PML: variants seen among roughly 807,000 people sequenced by gnomAD.
PML encodes the protein protein PML.
In PML, 28 loss-of-function variants were observed where a neutral mutation model predicts 65.2. The observed-to-expected ratio is 0.43, with a 90% CI of 0.32 to 0.59. The LOEUF (loss-of-function observed/expected upper bound fraction) is 0.59, where lower values mean the gene tolerates loss of function less well. Ranked by LOEUF, PML falls within the 20% of genes least tolerant of loss-of-function variation. The pLI, the probability that PML is intolerant of heterozygous loss-of-function variation, is 0.08. For missense variants in PML, 1,021 were observed against 1,203.4 expected, an observed-to-expected ratio of 0.85 and a Z score of 2.24; for synonymous variants, 500 against 508.8, an observed-to-expected ratio of 0.98 and a Z score of 0.23.
Position 74,044,619 on chromosome 15 carries a change from T to A in PML, c.2260T>A (p.Cys754Ser), listed in dbSNP as rs1307900203. ...MAAVLAMRDLCRLLEVSPGPQ... is the reference protein window; with the variant it reads ...MAAVLAMRDLSRLLEVSPGPQ... ...TGCCGTGCTGGCCATGCGTGACCTGTGCCGCCTCCTCGAGGTCTCCCCGGG... is the reference window on the plus strand; with the variant it reads ...TGCCGTGCTGGCCATGCGTGACCTGAGCCGCCTCCTCGAGGTCTCCCCGGG... Residue 754 changes from cysteine to serine, a missense_variant, in exon 9 of 9, where the codon TGC becomes AGC. Transcript: ENST00000268058. 1 of 1,606,840 alleles carries A rather than the reference T, an allele frequency of 6.2e-7. No individual in the cohort carries two copies. The highest frequency in any genetic ancestry group is 2.2e-5 in the East Asian group (1 of 44,884).
In PML at chr15:74,022,846, T is replaced by C. The variant is rs1478605950; in HGVS notation, c.621T>C (p.Cys207=). ...PTLTSIYCRG[C]SKPLCCSCAL... is the part of the protein sequence containing the mutation. ...TCCACAGCATCTACTGCCGAGGATG[T>C]TCCAAGCCGCTGTGCTGCTCGTGCG... is the stretch of plus-strand genomic sequence containing the variant. Residue 207 remains cysteine, a synonymous_variant, in exon 3 of 9, where the codon TGT becomes TGC. Coordinates refer to ENST00000268058, the MANE Select transcript of PML (RefSeq NM_033238.3). The C allele has an allele frequency of 6.2e-7, 1 of 1,613,878 alleles. No individual in the cohort carries two copies. Among genetic ancestry groups the C allele is most frequent in the Non-Finnish European group, 8.5e-7 (1 of 1,179,994 alleles).
chr15:74,029,267 A>T (rs79859541), intron 4 of PML, among the ~76,000 whole-genome samples: 55 of 152,254 alleles, frequency 3.6e-4, no homozygotes, highest in African/African-American at 1.0e-3. Flanking sequence ...ATTGAAAAAA[A>T]ATATATATTA....
chr15:74,033,479 C>T, intron 6 of PML, 65 bp downstream of exon 6: 1 of 1,582,554 alleles, frequency 6.3e-7, no homozygotes, highest in Non-Finnish European at 8.6e-7. Flanking sequence ...TGCCCCTCTT[C>T]TGTATTTTGG....
intron 2 of PML, among the ~76,000 whole-genome samples, chr15:74,001,371 C>T (rs1342563334): frequency 1.1e-4 from 16 of 150,560 alleles, no homozygotes; most frequent in Non-Finnish European, 2.4e-4. Context: ...TTGAGAATCT[C>T]CCTCTGTCAC....
Position 74,047,763 on chromosome 15 carries a change from T to A in PML, c.*2755T>A, listed in dbSNP as rs2141900677. 5.4e-6 allele frequency: 1 copy of A among 183,938 alleles called. No homozygotes were observed. Among genetic ancestry groups the A allele is most frequent in the East Asian group, 8.9e-5 (1 of 11,258 alleles). The allele number at this position is 183,938 out of a possible 1,614,324, so 11.4% of individuals were successfully genotyped here. A position where few individuals can be genotyped will look rare whatever the true frequency, so the allele number is the denominator to read the frequency against. ...GCACAAATTTAAGATCTTACTGCTT[T>A]ATAAAGTGCTTTATGAATTATAGGA... is the stretch of plus-strand genomic sequence containing the variant. On this transcript the variant is annotated 3_prime_UTR_variant, in exon 9 of 9. Transcript: ENST00000268058.
chr15:74,005,876 T>C (rs2070022181), intron 2 of PML, among the ~76,000 whole-genome samples: 1 of 152,136 alleles, frequency 6.6e-6, no homozygotes, highest in African/African-American at 2.4e-5. Flanking sequence ...TGGCAGCAAT[T>C]GTGTAAAGCA....
rs1238698223 is a variant in PML, at chr15:74,043,487, G to T, written c.1861+348G>T. 7.0e-6 allele frequency: 7 copies of T among 1,004,868 alleles called. No homozygotes were observed. The Admixed American group carries it at 2.3e-4, about 32-fold the overall frequency. The allele number at this position is 1,004,868 out of a possible 1,614,324, so 62.2% of individuals were successfully genotyped here. On this transcript the variant is annotated intron_variant, in intron 8 of 8. Transcript: ENST00000268058. This position sits in a 1 kb window ranked among gnomAD's most constrained non-coding sequence, Gnocchi z 4.3. ...GCCGTGAGCCCTGTCATCCAAGTAA[G>T]GCCTCTGGCTGTGCTACACGTTTCT...
rs1404010355 is a variant in PML, at chr15:73,996,520, T to A, written c.130-1484T>A. On this transcript the variant is annotated intron_variant, in intron 1 of 8. Coordinates refer to ENST00000268058, the MANE Select transcript of PML (RefSeq NM_033238.3). Reference sequence around the variant, plus strand: ...GGAGCTGTTTGGTGAATAGAGGTTGTCTTGCTATGTAGATTAAAAGTTCTT... The same window carrying A: ...GGAGCTGTTTGGTGAATAGAGGTTGACTTGCTATGTAGATTAAAAGTTCTT... Among the ~76,000 whole-genome samples, 9 of 152,322 alleles carry A rather than the reference T, an allele frequency of 5.9e-5. No homozygotes were observed. The East Asian group carries it at 1.5e-3, about 26-fold the overall frequency.
intron 5 of PML, 63 bp from the exon 6 acceptor site, chr15:74,033,093 G>A: frequency 6.3e-7 from 1 of 1,587,750 alleles, no homozygotes; most frequent in Non-Finnish European, 8.6e-7. Flanking sequence ...TGGCAGTCAG[G>A]GCAGGCTCTG....
In PML at chr15:73,994,805, T is replaced by TG. The variant is rs35863954; in HGVS notation, c.-4dup. ...TCTAAACCGAGAATCGAAACTAAGC[T>TG]GGGGTCCATGGAGCCTGCACCCGCC... On this transcript the variant is annotated 5_prime_UTR_variant, in exon 1 of 9. Transcript: ENST00000268058. 1 of 1,552,728 alleles carries TG rather than the reference T, an allele frequency of 6.4e-7. No homozygotes were observed. Among genetic ancestry groups the TG allele is most frequent in the Non-Finnish European group, 8.7e-7 (1 of 1,147,966 alleles).
In PML at chr15:74,046,167, G is replaced by A. The variant is rs2071769016; in HGVS notation, c.*1159G>A. On this transcript the variant is annotated 3_prime_UTR_variant, in exon 9 of 9. Coordinates refer to ENST00000268058, the MANE Select transcript of PML (RefSeq NM_033238.3). Reference sequence around the variant, plus strand: ...TGTGCCATCCTGCATTTTTAGGAATGGAAAGCAGGCCTCTGAGGCAGTGGA... The same window carrying A: ...TGTGCCATCCTGCATTTTTAGGAATAGAAAGCAGGCCTCTGAGGCAGTGGA... The A allele has an allele frequency of 4.3e-6, 1 of 233,014 alleles. No individual in the cohort carries two copies. Among genetic ancestry groups the A allele is most frequent in the Non-Finnish European group, 8.5e-6 (1 of 117,940 alleles). The allele number at this position is 233,014 out of a possible 1,614,324, so 14.4% of individuals were successfully genotyped here.
chr15:74,023,966 C>CA (rs994134422), intron 3 of PML, among the ~76,000 whole-genome samples: 5 of 152,160 alleles, frequency 3.3e-5, no homozygotes, highest in African/African-American at 1.2e-4. Flanking sequence ...GGTAAGGAGA[C>CA]ACAGACTAGT....
At chr15:74,022,799 T>C (rs1216819395) in intron 2 of PML, 29 bp from the exon 3 acceptor site, 1 of 1,602,584 alleles carries the variant, frequency 6.2e-7, no homozygotes, top group Admixed American at 1.7e-5. Flanking sequence ...AGGAGAGTCC[T>C]AACCCAGGCC....
rs374418426 is a variant in PML at position 74,044,333 on chromosome 15, G to C, written c.1974G>C (p.Gly658=). 8.5e-5 allele frequency: 137 copies of C among 1,614,070 alleles called. No homozygotes were observed. Among genetic ancestry groups the C allele is most frequent in the Non-Finnish European group, 1.1e-4 (133 of 1,180,036 alleles). Residue 658 remains glycine (G), a synonymous_variant, in exon 9 of 9, where the codon GGG becomes GGC. Coordinates refer to ENST00000268058, the MANE Select transcript of PML (RefSeq NM_033238.3). ...CCAAGGCCGTGTCCCTGGAGGTGGG[G>C]CTGCAGCACTTCCTCAGCTTTCTGA... ...IYSKAVSLEV[G]LQHFLSFLSS...
chr15:74,006,366 G>A (rs1338751891), intron 2 of PML, among the ~76,000 whole-genome samples: 4 of 144,150 alleles, frequency 2.8e-5, no homozygotes, highest in Non-Finnish European at 3.0e-5. Context: ...ACTCCAGCCT[G>A]GGCGACAGAG....
Position 73,994,884 on chromosome 15 carries a change from TC to T in PML, c.78del (p.Glu27ArgfsTer71). 1 of 1,422,466 alleles carries T rather than the reference TC, an allele frequency of 7.0e-7. No individual in the cohort carries two copies. Among genetic ancestry groups the T allele is most frequent in the Admixed American group, 2.1e-5 (1 of 48,622 alleles). The allele number at this position is 1,422,466 out of a possible 1,614,324, so 88.1% of individuals were successfully genotyped here. Reference protein sequence around the residue: ...PARPQEPTMPPPETPSEGRQP... With the variant: ...PARPQEPTMPXPETPSEGRQP... The stretch of plus-strand genomic sequence containing the variant: ...CCCGGCCCCAGGAGCCCACCATGCC[TC>T]CCCCCGAGACCCCCTCTGAAGGCCG... On this transcript the variant is annotated frameshift_variant, in exon 1 of 9. Transcript: ENST00000268058. LOFTEE classifies it high-confidence loss of function.
Position 74,044,892 on chromosome 15 carries a change from G to A in PML, c.2533G>A (p.Ala845Thr), listed in dbSNP as rs1223190247. The change falls in exon 9 of 9, where the codon GCT becomes ACT. Residue 845 changes from alanine (A) to threonine (T), a missense_variant. Transcript: ENST00000268058. Reference sequence around the variant, plus strand: ...TGCCCAGCCTGCTTTCAACCTGCAGGCTCTGGGCACCTACTTTGAAGGCCT... The same window carrying A: ...TGCCCAGCCTGCTTTCAACCTGCAGACTCTGGGCACCTACTTTGAAGGCCT... ...PPAQPAFNLQ[A>T]LGTYFEGLLE... 3 of 1,613,558 alleles carry A rather than the reference G, an allele frequency of 1.9e-6. No individual in the cohort carries two copies. Among genetic ancestry groups the A allele is most frequent in the Non-Finnish European group, 8.5e-7 (1 of 1,180,018 alleles).
chr15:74,010,482 A>T (rs1325866714), intron 2 of PML, among the ~76,000 whole-genome samples: 20 of 148,462 alleles, frequency 1.3e-4, no homozygotes, highest in Non-Finnish European at 1.9e-4. Flanking sequence ...ATGCCATTGC[A>T]CTCCAGCCTG....
intron 2 of PML, among the ~76,000 whole-genome samples, chr15:73,999,410 G>A (rs11635930): frequency 0.61 from 93,469 of 152,096 alleles, 28,878 homozygotes; most frequent in Non-Finnish European, 0.65. Flanking sequence ...CATATTTGCT[G>A]AACTACATAT....
Sources: gnomAD v4.1 joint callset for allele counts (sites outside exome capture counted in the v4.1 genomes callset) on GRCh38, gnomAD v4.1.1 for gene constraint, Gnocchi (gnomAD v3.1) non-coding constraint, MANE v1.5 for transcripts, NCBI Gene and HGNC (gene_info 2026-07-23, HGNC 2026-07-21) for gene names.